The following TNR variants were observed in gnomAD, a reference collection of about 807,000 sequenced individuals.
TNR encodes tenascin-R.
A neutral mutation model predicts 150.4 loss-of-function variants in TNR; 45 were observed. The ratio of observed to expected loss-of-function variants is 0.30; its 90% CI spans 0.24 to 0.38. The LOEUF (loss-of-function observed/expected upper bound fraction) is 0.38. TNR is among the 10% of genes least tolerant of loss of function. The pLI is 1.00. For missense variants in TNR, 1,544 were observed against 1,759.1 expected (o/e 0.88, Z 2.19); for synonymous variants, 687 against 678.4 (o/e 1.01, Z -0.20).
At chr1:175,535,289 C>A (rs184924416) in intron 1 of TNR, among the ~76,000 whole-genome samples, 1 of 152,308 alleles carries the variant, frequency 6.6e-6, no homozygotes, top group East Asian at 1.9e-4. Flanking sequence ...CTACCTGCAG[C>A]AGATTCAGTG....
intron 2 of TNR, among the ~76,000 whole-genome samples, chr1:175,425,261 T>A (rs915987265): frequency 6.6e-6 from 1 of 152,140 alleles, no homozygotes; most frequent in African/African-American, 2.4e-5. Context: ...CTAGTCTGAG[T>A]GTACTAGCTG....
At chr1:175,681,261 G>T (rs574974082) in intron 1 of TNR, among the ~76,000 whole-genome samples, 3 of 152,214 alleles carry the variant, frequency 2.0e-5, no homozygotes, top group Non-Finnish European at 4.4e-5. Flanking sequence ...AGGAGGCCAC[G>T]TGAGGAAGCC....
Position 175,386,203 on chromosome 1 carries a change from A to G in TNR, c.1606T>C (p.Leu536=). 2 of 1,612,284 alleles carry G rather than the reference A, an allele frequency of 1.2e-6. No homozygotes were observed. The highest frequency in any genetic ancestry group is 1.7e-6 in the Non-Finnish European group (2 of 1,178,604). The part of the protein sequence containing the change: ...PPRAKVDFIL[L]KYGLVGGEGG... ...TCCCCGCCCACCAGGCCATATTTCA[A>G]AAGAATGAAATCGACTTTGGCTCGA... Residue 536 remains leucine (L), a synonymous_variant, in exon 8 of 23, where the codon TTG becomes CTG. Coordinates refer to ENST00000367674, the MANE Select transcript of TNR (RefSeq NM_003285.3).
chr1:175,596,774 C>T (rs2101843035), intron 1 of TNR, among the ~76,000 whole-genome samples: 1 of 152,236 alleles, frequency 6.6e-6, no homozygotes, highest in Middle Eastern at 3.4e-3. Context: ...TAAAGACCAG[C>T]TAAATTTGAA....
At chr1:175,503,042 G>T (rs1658802170) in intron 2 of TNR, among the ~76,000 whole-genome samples, 1 of 149,938 alleles carries the variant, frequency 6.7e-6, no homozygotes, top group African/African-American at 2.5e-5. Flanking sequence ...GCTCCCCAGG[G>T]TGTCCACATG....
At chr1:175,616,248 C>T (rs1035672312) in intron 1 of TNR, among the ~76,000 whole-genome samples, 6 of 152,178 alleles carry the variant, frequency 3.9e-5, no homozygotes, top group Non-Finnish European at 8.8e-5. Context: ...CTGCTCATGG[C>T]CCTGTGTTCA....
intron 2 of TNR, among the ~76,000 whole-genome samples, chr1:175,424,552 G>T (rs79884922): frequency 6.6e-4 from 101 of 152,314 alleles, no homozygotes; most frequent in African/African-American, 2.4e-3. Context: ...GAACTGGGCT[G>T]ATTAGAGAAA....
At chr1:175,493,287 G>C (rs551317025) in intron 2 of TNR, among the ~76,000 whole-genome samples, 1 of 152,310 alleles carries the variant, frequency 6.6e-6, no homozygotes, top group African/African-American at 2.4e-5. Context: ...AAGGAGAAAG[G>C]TGAAAGGGAA....
At chr1:175,657,542 C>T (rs1341063427) in intron 1 of TNR, among the ~76,000 whole-genome samples, 11 of 151,798 alleles carry the variant, frequency 7.2e-5, no homozygotes, top group Middle Eastern at 6.8e-3. Context: ...AATGATAGAC[C>T]GGATTAAGAA....
intron 19 of TNR, among the ~76,000 whole-genome samples, chr1:175,337,215 T>A (rs767082605): frequency 1.3e-5 from 2 of 152,190 alleles, no homozygotes; most frequent in Non-Finnish European, 2.9e-5. Flanking sequence ...TTATTAGAGA[T>A]GCATTTCTCA....
rs150801595 is a variant in TNR, at chr1:175,410,644, C to A, written c.-63-3867G>T. 2.6e-3 allele frequency among the ~76,000 whole-genome samples: 400 copies of A among 152,288 alleles called. 2 individuals are homozygous for A. The highest frequency in any genetic ancestry group is 6.8e-3 in the Middle Eastern group (2 of 294). On this transcript the variant is annotated intron_variant, in intron 2 of 22. Transcript: ENST00000367674. The stretch of plus-strand genomic sequence containing the variant: ...AGTGAGGCCATGGCACTAGTTCTGG[C>A]TGATGAATTGTGAGAGGAAGTGGTG...
chr1:175,574,621 C>T lies in TNR; in HGVS notation c.-164-46252G>A, dbSNP rs893333280. On this transcript the variant is annotated intron_variant, in intron 1 of 22. Coordinates refer to ENST00000367674, the MANE Select transcript of TNR (RefSeq NM_003285.3). ...CACACACAACCTTTTTATACACATACTTTTCAAAAAGTGTCTGCTTACCAA... is the reference window on the plus strand; with the variant it reads ...CACACACAACCTTTTTATACACATATTTTTCAAAAAGTGTCTGCTTACCAA... Among the ~76,000 whole-genome samples the T allele has an allele frequency of 5.9e-5, 9 of 152,298 alleles. 1 individual carries two copies. The South Asian group carries it at 8.3e-4, about 14-fold the overall frequency.
At chr1:175,409,308 A>C (rs1654101406) in intron 2 of TNR, among the ~76,000 whole-genome samples, 1 of 152,196 alleles carries the variant, frequency 6.6e-6, no homozygotes, top group Non-Finnish European at 1.5e-5. Context: ...GTAGCACATA[A>C]CAGCTTTTTT....
chr1:175,717,454 T>C (rs1038210590), intron 1 of TNR, among the ~76,000 whole-genome samples: 9 of 152,182 alleles, frequency 5.9e-5, no homozygotes, highest in African/African-American at 2.2e-4. Flanking sequence ...TTGAAATCAC[T>C]TTTAAAGTGT....
chr1:175,479,650 T>C (rs995856766), intron 2 of TNR, among the ~76,000 whole-genome samples: 3 of 152,166 alleles, frequency 2.0e-5, no homozygotes, highest in Admixed American at 2.0e-4. Context: ...CGTACTGCCT[T>C]GACGTCAAGC....
chr1:175,497,163 G>A (rs948964085), intron 2 of TNR, among the ~76,000 whole-genome samples: 17 of 152,144 alleles, frequency 1.1e-4, no homozygotes, highest in African/African-American at 3.6e-4. Flanking sequence ...GAAAAAAATG[G>A]TACTTACAAC....
intron 2 of TNR, among the ~76,000 whole-genome samples, chr1:175,526,216 C>A (rs994594330): frequency 6.6e-6 from 1 of 152,132 alleles, no homozygotes; most frequent in African/African-American, 2.4e-5. Flanking sequence ...TTACATTATT[C>A]TCAGCCAAAG....
At chr1:175,673,149 C>T (rs80316690) in intron 1 of TNR, among the ~76,000 whole-genome samples, 2,826 of 152,254 alleles carry the variant, frequency 0.019, 73 homozygotes, top group East Asian at 0.053. Flanking sequence ...AATGCCTTGT[C>T]CCCTCAACCT....
chr1:175,665,489 A>G (rs970510027), intron 1 of TNR, among the ~76,000 whole-genome samples: 1 of 152,198 alleles, frequency 6.6e-6, no homozygotes, highest in Admixed American at 6.5e-5. Flanking sequence ...TGGAGGGTCC[A>G]TCAGAGGACA....
Sources: allele counts gnomAD v4.1 joint callset (sites outside exome capture counted in the v4.1 genomes callset), GRCh38; gene constraint gnomAD v4.1.1; transcripts MANE v1.5; gene names NCBI Gene and HGNC (gene_info 2026-07-23, HGNC 2026-07-21).